TNNI3K: variants seen among roughly 807,000 people sequenced by gnomAD.
TNNI3K encodes serine/threonine-protein kinase TNNI3K.
In TNNI3K, 140 loss-of-function variants were observed where a neutral mutation model predicts 114.5. That is an observed-to-expected ratio of 1.22 (90% CI 1.07 to 1.41). TNNI3K has a LOEUF of 1.41. Among genes scored for constraint, TNNI3K ranks in the 40% most tolerant of loss-of-function variants. The pLI, the probability that TNNI3K is intolerant of heterozygous loss-of-function variation, is 0.00. For synonymous variants in TNNI3K, 347 were observed against 347.5 expected (o/e 1.00, Z 0.02); for missense variants, 1,125 against 1,007.6 (o/e 1.12, Z -1.58).
intron 9 of TNNI3K, among the ~76,000 whole-genome samples, chr1:74,352,087 A>G (rs909980610): frequency 1.3e-5 from 2 of 151,822 alleles, no homozygotes; most frequent in African/African-American, 4.8e-5. Context: ...CTTTTTCCCC[A>G]TCTTTGTGGT....
intron 4 of TNNI3K, among the ~76,000 whole-genome samples, chr1:74,259,592 G>A (rs962570196): frequency 1.3e-5 from 2 of 152,094 alleles, no homozygotes; most frequent in Admixed American, 1.3e-4. Flanking sequence ...AACTAACAGG[G>A]TGAAACCTTG....
intron 9 of TNNI3K, among the ~76,000 whole-genome samples, chr1:74,344,711 G>A (rs1416155463): frequency 6.6e-6 from 1 of 152,146 alleles, no homozygotes; most frequent in Non-Finnish European, 1.5e-5. Context: ...TAATCAGAGG[G>A]TGACTGTCAC....
At chr1:74,465,374 C>T (rs920385122) in intron 21 of TNNI3K, among the ~76,000 whole-genome samples, 7 of 152,130 alleles carry the variant, frequency 4.6e-5, no homozygotes, top group Non-Finnish European at 8.8e-5. Context: ...GTGGGCGCCA[C>T]TCCAGGCACT....
intron 17 of TNNI3K, among the ~76,000 whole-genome samples, chr1:74,386,953 C>G (rs1272359396): frequency 6.6e-6 from 1 of 152,062 alleles, no homozygotes; most frequent in Admixed American, 6.6e-5. Context: ...TACTCATTGT[C>G]AAGACAAGGG....
chr1:74,487,652 C>T (rs1268204683), intron 21 of TNNI3K, among the ~76,000 whole-genome samples: 1 of 152,026 alleles, frequency 6.6e-6, no homozygotes, highest in Admixed American at 6.6e-5. Flanking sequence ...AAGTGAGTGA[C>T]AGCGAAAAGA....
intron 5 of TNNI3K, among the ~76,000 whole-genome samples, chr1:74,295,982 A>T (rs1474378607): frequency 6.6e-6 from 1 of 151,960 alleles, no homozygotes; most frequent in Non-Finnish European, 1.5e-5. Context: ...TTCTTTACTC[A>T]TTATAAATTT....
intron 20 of TNNI3K, among the ~76,000 whole-genome samples, chr1:74,456,105 G>T (rs1372892729): frequency 2.0e-5 from 3 of 152,176 alleles, no homozygotes; most frequent in Non-Finnish European, 4.4e-5. Flanking sequence ...AAAACTGGAA[G>T]CAGGGAAATC....
chr1:74,491,984 T>C, intron 22 of TNNI3K, 113 bp from the exon 23 acceptor site: 1 of 1,355,554 alleles, frequency 7.4e-7, no homozygotes, highest in Non-Finnish European at 9.7e-7. Context: ...GCTGAGTGAA[T>C]AGAAATTAAA....
intron 5 of TNNI3K, among the ~76,000 whole-genome samples, chr1:74,317,568 G>A (rs1186791098): frequency 1.3e-5 from 2 of 152,184 alleles, no homozygotes; most frequent in African/African-American, 2.4e-5. Flanking sequence ...GGTATGTCAG[G>A]AACTGAGTTA....
At chr1:74,369,696 T>C in intron 16 of TNNI3K, 111 bp downstream of exon 16, 1 of 1,237,344 alleles carries the variant, frequency 8.1e-7, no homozygotes, top group Non-Finnish European at 1.1e-6. Flanking sequence ...ATCTGAGTGC[T>C]GCTAGCAAGT....
At chr1:74,247,312 A>C (rs1654630681) in intron 2 of TNNI3K, among the ~76,000 whole-genome samples, 2 of 152,002 alleles carry the variant, frequency 1.3e-5, no homozygotes, top group Admixed American at 1.3e-4. Context: ...GGAGTTGTTC[A>C]TTCCTCCCAG....
At chr1:74,252,929 T>C (rs574392760) in intron 4 of TNNI3K, among the ~76,000 whole-genome samples, 1 of 152,332 alleles carries the variant, frequency 6.6e-6, no homozygotes, top group East Asian at 1.9e-4. Flanking sequence ...AGCCTGCTTT[T>C]ATTCTCTTAT....
At chr1:74,373,846 G>T (rs1429760331) in intron 17 of TNNI3K, 1 of 151,842 alleles carries the variant, frequency 6.6e-6, no homozygotes, top group Non-Finnish European at 1.5e-5. Flanking sequence ...GCCAGCTGAG[G>T]GTTTGTACCA....
At chr1:74,532,393 T>C (rs995317739) in intron 23 of TNNI3K, among the ~76,000 whole-genome samples, 1 of 152,210 alleles carries the variant, frequency 6.6e-6, no homozygotes, top group Non-Finnish European at 1.5e-5. Flanking sequence ...TATTATCAGC[T>C]CTGTAATTCA....
intron 7 of TNNI3K, among the ~76,000 whole-genome samples, chr1:74,337,560 T>G (rs1660539478): frequency 6.6e-6 from 1 of 152,164 alleles, no homozygotes; most frequent in African/African-American, 2.4e-5. Context: ...TTTTATAAAT[T>G]GAGACATTAT....
intron 4 of TNNI3K, among the ~76,000 whole-genome samples, chr1:74,261,039 AT>A (rs1655630761): frequency 6.6e-6 from 1 of 152,092 alleles, no homozygotes; most frequent in African/African-American, 2.4e-5. Flanking sequence ...AGATTAGGAA[AT>A]TGATTTATAT....
chr1:74,284,507 A>G (rs1047094098), intron 5 of TNNI3K, among the ~76,000 whole-genome samples: 11 of 152,314 alleles, frequency 7.2e-5, no homozygotes, highest in Admixed American at 6.5e-4. Context: ...GGTTTTTGCC[A>G]TTATTTTTAA....
At chr1:74,270,132 C>T (rs554584040) in intron 4 of TNNI3K, among the ~76,000 whole-genome samples, 2 of 151,688 alleles carry the variant, frequency 1.3e-5, no homozygotes, top group South Asian at 2.1e-4. Context: ...CCTGGTAATA[C>T]GATGAAAAGA....
In TNNI3K at chr1:74,540,993, G is replaced by A. The variant is rs139452521; in HGVS notation, c.2431+680G>A. On this transcript the variant is annotated intron_variant, in intron 24 of 24. Coordinates refer to ENST00000326637, the MANE Select transcript of TNNI3K (RefSeq NM_015978.3). Reference sequence around the variant, plus strand: ...TCAGCTGCGATATCAATGTGTTAGGGCTGGGATGTCCTTTTACCAACCTTT... The same window carrying A: ...TCAGCTGCGATATCAATGTGTTAGGACTGGGATGTCCTTTTACCAACCTTT... Among the ~76,000 whole-genome samples the A allele has an allele frequency of 2.9e-4, 44 of 152,294 alleles. 1 individual carries two copies. In the East Asian group the frequency reaches 8.1e-3, roughly 28 times the overall value.
Sources: allele counts gnomAD v4.1 joint callset (sites outside exome capture counted in the v4.1 genomes callset), GRCh38; gene constraint gnomAD v4.1.1; transcripts MANE v1.5; gene names NCBI Gene and HGNC (gene_info 2026-07-23, HGNC 2026-07-21).